Variants in CDH18 observed in about 807,000 individuals in gnomAD.
CDH18 encodes the protein cadherin 18, also known as cadherin-18.
Under a neutral mutation model 67.9 loss-of-function variants are expected in CDH18, and 31 were observed. That is an observed-to-expected ratio of 0.46 (90% CI 0.34 to 0.62). The LOEUF is 0.62. CDH18 is among the 20% of genes least tolerant of loss of function. CDH18 has a pLI of 0.01. For synonymous variants in CDH18, 362 were observed against 347.2 expected, an observed-to-expected ratio of 1.04 and a Z score of -0.48; for missense variants, 890 against 975.5, an observed-to-expected ratio of 0.91 and a Z score of 1.17.
intron 3 of CDH18, among the ~76,000 whole-genome samples, chr5:19,832,199 A>C (rs909698569): frequency 1.2e-4 from 18 of 152,272 alleles, no homozygotes; most frequent in Middle Eastern, 3.4e-3. Context: ...CCCAAACCTC[A>C]GCATCGCACA....
chr5:20,430,495 C>T (rs1322113676), intron 1 of CDH18, among the ~76,000 whole-genome samples: 1 of 152,158 alleles, frequency 6.6e-6, no homozygotes, highest in African/African-American at 2.4e-5. Flanking sequence ...ATGCTATCTA[C>T]ACATTTTATG....
intron 4 of CDH18, among the ~76,000 whole-genome samples, chr5:19,742,982 C>G (rs1211249767): frequency 6.6e-6 from 1 of 151,976 alleles, no homozygotes; most frequent in African/African-American, 2.4e-5. Context: ...TATTTAGAAC[C>G]ACTTATTCCT....
At chr5:20,553,055 T>G (rs1757725096) in intron 1 of CDH18, among the ~76,000 whole-genome samples, 1 of 152,116 alleles carries the variant, frequency 6.6e-6, no homozygotes, top group Non-Finnish European at 1.5e-5. Context: ...GCCTGGCTTA[T>G]CTTAGGATTT....
intron 2 of CDH18, among the ~76,000 whole-genome samples, chr5:19,852,408 A>T (rs1783810930): frequency 6.6e-6 from 1 of 152,028 alleles, no homozygotes; most frequent in Non-Finnish European, 1.5e-5. Flanking sequence ...CATCATCAGT[A>T]AACAGTAACC....
chr5:19,600,944 G>A (rs190289977), intron 6 of CDH18, among the ~76,000 whole-genome samples: 5 of 152,308 alleles, frequency 3.3e-5, no homozygotes, highest in Non-Finnish European at 7.3e-5. Context: ...GTTTAGCTCA[G>A]CTAGTTTTAA....
intron 1 of CDH18, among the ~76,000 whole-genome samples, chr5:20,509,111 GCT>G (rs377233579): frequency 3.2e-4 from 48 of 152,152 alleles, no homozygotes; most frequent in African/African-American, 8.9e-4. Flanking sequence ...CTTAAAATCT[GCT>G]CTCTTTTTAA....
At chr5:20,047,846 C>A (rs541463902) in intron 2 of CDH18, among the ~76,000 whole-genome samples, 10 of 151,786 alleles carry the variant, frequency 6.6e-5, no homozygotes, top group African/African-American at 2.4e-4. Flanking sequence ...AAATTGCACA[C>A]CATATTATTT....
chr5:20,520,983 C>G (rs1755708408), intron 1 of CDH18, among the ~76,000 whole-genome samples: 1 of 152,156 alleles, frequency 6.6e-6, no homozygotes, highest in Non-Finnish European at 1.5e-5. Context: ...CTAGCATAAC[C>G]TCTCACCAAA....
intron 2 of CDH18, among the ~76,000 whole-genome samples, chr5:20,207,320 G>A (rs1308938468): frequency 6.6e-6 from 1 of 151,664 alleles, no homozygotes; most frequent in East Asian, 1.9e-4. Context: ...AAACACCAAT[G>A]AAAGAAATTG....
intron 11 of CDH18, chr5:19,502,578 T>C: frequency 2.9e-6 from 1 of 342,200 alleles, no homozygotes; most frequent in Non-Finnish European, 5.2e-6. Flanking sequence ...GTAAAGCACA[T>C]CTTGATAGCC....
intron 1 of CDH18, chr5:20,304,916 G>A: frequency 1.2e-6 from 2 of 1,612,912 alleles, no homozygotes. Flanking sequence ...TCACAGAGGG[G>A]GTTTGTATTC....
intron 5 of CDH18, among the ~76,000 whole-genome samples, chr5:19,688,583 T>C (rs2121486): frequency 0.033 from 4,993 of 152,180 alleles, 262 homozygotes; most frequent in African/African-American, 0.11. Flanking sequence ...AAGAAGTGAC[T>C]GTTACACCAT....
At chr5:19,839,620 T>C (rs996756897) in intron 2 of CDH18, among the ~76,000 whole-genome samples, 2 of 151,998 alleles carry the variant, frequency 1.3e-5, no homozygotes, top group African/African-American at 4.8e-5. Context: ...AAGTGCTCAG[T>C]AAGTAAAGTG....
At chr5:19,622,138 T>C (rs1750810005) in intron 5 of CDH18, among the ~76,000 whole-genome samples, 1 of 152,180 alleles carries the variant, frequency 6.6e-6, no homozygotes, top group Non-Finnish European at 1.5e-5. Context: ...GGCAATGTGA[T>C]TTCAGAAGCA....
At chr5:20,011,174 C>A (rs1737407011) in intron 2 of CDH18, among the ~76,000 whole-genome samples, 1 of 152,124 alleles carries the variant, frequency 6.6e-6, no homozygotes, top group Non-Finnish European at 1.5e-5. Context: ...TCTATTGCTT[C>A]CCTTGTTAAC....
rs923504674 is a variant in CDH18, at chr5:20,073,560, C to T, written c.-517-81546G>A. Among the ~76,000 whole-genome samples, 32 of 151,824 alleles carry T rather than the reference C, an allele frequency of 2.1e-4. 1 individual carries two copies. The highest frequency in any genetic ancestry group is 7.2e-4 in the Admixed American group (11 of 15,222). On this transcript the variant is annotated intron_variant, in intron 2 of 14. Coordinates refer to the CDH18 transcript ENST00000507958. Reference sequence around the variant, plus strand: ...TATTCCTTGACAAAACATAAGATTGCGATATGTTTCATATATTTTATATTC... The same window carrying T: ...TATTCCTTGACAAAACATAAGATTGTGATATGTTTCATATATTTTATATTC...
intron 10 of CDH18, among the ~76,000 whole-genome samples, chr5:19,510,043 G>A (rs981634000): frequency 6.6e-6 from 1 of 152,004 alleles, no homozygotes; most frequent in Non-Finnish European, 1.5e-5. Flanking sequence ...ATGCTGATAC[G>A]TTTAGATGTG....
At chr5:19,941,930 A>G (rs1794865923) in intron 2 of CDH18, among the ~76,000 whole-genome samples, 1 of 152,284 alleles carries the variant, frequency 6.6e-6, no homozygotes, top group East Asian at 1.9e-4. Flanking sequence ...TGAATGTTCC[A>G]TCTTCTCAAT....
chr5:20,362,053 A>G (rs1027902805), intron 1 of CDH18, among the ~76,000 whole-genome samples: 1 of 152,162 alleles, frequency 6.6e-6, no homozygotes, highest in African/African-American at 2.4e-5. Flanking sequence ...CTAATAAATG[A>G]GGGAAGTATA....
Sources: allele counts gnomAD v4.1 joint callset (sites outside exome capture counted in the v4.1 genomes callset), GRCh38; gene constraint gnomAD v4.1.1; transcripts MANE v1.5; gene names NCBI Gene and HGNC (gene_info 2026-07-23, HGNC 2026-07-21).